ROR1: variants seen among roughly 807,000 people sequenced by gnomAD.
The protein encoded by ROR1 is ROR family WNT receptor 1.
A neutral mutation model predicts 78.8 loss-of-function variants in ROR1; 19 were observed. That is an observed-to-expected ratio of 0.24 (90% confidence interval 0.17 to 0.35). The LOEUF (loss-of-function observed/expected upper bound fraction) is 0.35, where lower values mean the gene tolerates loss of function less well. Among genes scored for constraint, ROR1 ranks in the 10% least tolerant of loss-of-function variants. ROR1 has a pLI of 1.00. For synonymous variants in ROR1, 386 were observed against 433.6 expected (o/e 0.89, Z 1.36); for missense variants, 917 against 1,177.8 (o/e 0.78, Z 3.24).
At chr1:64,069,558 G>A (rs753879002) in intron 4 of ROR1, among the ~76,000 whole-genome samples, 1 of 151,914 alleles carries the variant, frequency 6.6e-6, no homozygotes, top group Non-Finnish European at 1.5e-5. Flanking sequence ...TCATGTGTGT[G>A]ATTGGGTGAT....
At chr1:63,982,456 A>G (rs1178402646) in intron 1 of ROR1, among the ~76,000 whole-genome samples, 1 of 152,212 alleles carries the variant, frequency 6.6e-6, no homozygotes, top group Non-Finnish European at 1.5e-5. Context: ...GAGAAGACAC[A>G]CCAAACCATT....
chr1:64,104,443 A>G (rs1354883730), intron 4 of ROR1, among the ~76,000 whole-genome samples: 1 of 152,078 alleles, frequency 6.6e-6, no homozygotes, highest in Non-Finnish European at 1.5e-5. Context: ...TCAATATAGC[A>G]TGAAGTCATA....
At chr1:63,861,554 G>A (rs1645181772) in intron 1 of ROR1, among the ~76,000 whole-genome samples, 1 of 152,200 alleles carries the variant, frequency 6.6e-6, no homozygotes, top group Non-Finnish European at 1.5e-5. Flanking sequence ...AGGTCTGTAG[G>A]AAATACCACT....
At chr1:64,173,295 G>C (rs1650291065) in intron 8 of ROR1, among the ~76,000 whole-genome samples, 1 of 152,236 alleles carries the variant, frequency 6.6e-6, no homozygotes, top group Non-Finnish European at 1.5e-5. Flanking sequence ...CCTTGGAGAA[G>C]ACTTGGGATT....
chr1:64,169,679 A>T (rs1650184702), intron 8 of ROR1, among the ~76,000 whole-genome samples: 1 of 152,186 alleles, frequency 6.6e-6, no homozygotes, highest in South Asian at 2.1e-4. Context: ...ATTAACTCAG[A>T]AGTCCACAGT....
intron 1 of ROR1, among the ~76,000 whole-genome samples, chr1:63,841,163 T>C (rs1483627034): frequency 1.3e-5 from 2 of 152,242 alleles, no homozygotes; most frequent in South Asian, 2.1e-4. Flanking sequence ...TTATGAGGTA[T>C]GCATTTTCAC....
At chr1:63,833,785 T>G (rs1445464591) in intron 1 of ROR1, among the ~76,000 whole-genome samples, 1 of 150,466 alleles carries the variant, frequency 6.6e-6, no homozygotes, top group Admixed American at 6.6e-5. Flanking sequence ...CCTGCTTGCG[T>G]TTTTTTTTCT....
At chr1:63,845,349 C>T (rs1388770449) in intron 1 of ROR1, among the ~76,000 whole-genome samples, 2 of 152,132 alleles carry the variant, frequency 1.3e-5, no homozygotes, top group African/African-American at 4.8e-5. Flanking sequence ...GAAATAAAAA[C>T]TGAAATATTT....
At chr1:64,055,543 C>CA (rs2100598566) in intron 4 of ROR1, among the ~76,000 whole-genome samples, 1 of 152,292 alleles carries the variant, frequency 6.6e-6, no homozygotes, top group South Asian at 2.1e-4. Context: ...GTGCTGGTCA[C>CA]AAAAATAGAT....
chr1:63,885,281 G>A (rs1645349397), intron 1 of ROR1, among the ~76,000 whole-genome samples: 1 of 152,172 alleles, frequency 6.6e-6, no homozygotes, highest in Non-Finnish European at 1.5e-5. Flanking sequence ...GGCTCCTAGG[G>A]AAACCAGGCA....
intron 1 of ROR1, among the ~76,000 whole-genome samples, chr1:63,986,054 T>A (rs774527449): frequency 2.0e-5 from 3 of 152,120 alleles, no homozygotes; most frequent in Non-Finnish European, 4.4e-5. Context: ...ATAGACATAG[T>A]CCTTGCTTTT....
At chr1:63,854,126 C>T (rs912052642) in intron 1 of ROR1, among the ~76,000 whole-genome samples, 1 of 152,106 alleles carries the variant, frequency 6.6e-6, no homozygotes, top group South Asian at 2.1e-4. Context: ...AAAAATAAAA[C>T]GTTTTCAATG....
At chr1:63,957,864 T>C (rs1645996530) in intron 1 of ROR1, among the ~76,000 whole-genome samples, 1 of 151,840 alleles carries the variant, frequency 6.6e-6, no homozygotes, top group Non-Finnish European at 1.5e-5. Context: ...TGCCTCAGCC[T>C]CCCGAGTAGC....
intron 4 of ROR1, among the ~76,000 whole-genome samples, chr1:64,051,065 T>C (rs1454971143): frequency 6.6e-6 from 1 of 152,204 alleles, no homozygotes; most frequent in African/African-American, 2.4e-5. Context: ...TCTCAGGGTC[T>C]ATGTTTCTGC....
chr1:64,045,598 T>C (rs1646777450), intron 2 of ROR1, among the ~76,000 whole-genome samples: 1 of 152,166 alleles, frequency 6.6e-6, no homozygotes. Flanking sequence ...AAAATCTCAC[T>C]TCTACTTACT....
chr1:63,971,477 G>C (rs976085793), intron 1 of ROR1, among the ~76,000 whole-genome samples: 1 of 152,160 alleles, frequency 6.6e-6, no homozygotes, highest in Non-Finnish European at 1.5e-5. Flanking sequence ...CTTTGATTAA[G>C]TACCAGGTTA....
chr1:64,175,733 A>T (rs1486211146), intron 8 of ROR1, among the ~76,000 whole-genome samples: 1 of 152,202 alleles, frequency 6.6e-6, no homozygotes, highest in East Asian at 1.9e-4. Flanking sequence ...GTTTATTTAC[A>T]CTTACAATTA....
chr1:64,086,547 A>G (rs1287724779), intron 4 of ROR1, among the ~76,000 whole-genome samples: 1 of 152,170 alleles, frequency 6.6e-6, no homozygotes, highest in Non-Finnish European at 1.5e-5. Context: ...CTACTTTCAC[A>G]TGCACAGTCA....
intron 1 of ROR1, among the ~76,000 whole-genome samples, chr1:63,913,289 C>T (rs977895416): frequency 2.6e-5 from 4 of 151,752 alleles, no homozygotes; most frequent in Admixed American, 2.6e-4. Flanking sequence ...TTCTATATTT[C>T]TATATTTTCT....
Sources: allele counts gnomAD v4.1 joint callset (sites outside exome capture counted in the v4.1 genomes callset), GRCh38; gene constraint gnomAD v4.1.1; transcripts MANE v1.5; gene names NCBI Gene and HGNC (gene_info 2026-07-23, HGNC 2026-07-21).